Variants in LMNB2 observed in about 807,000 individuals in gnomAD.
LMNB2 encodes the protein lamin-B2.
Under a neutral mutation model 69.3 loss-of-function variants are expected in LMNB2, and 17 were observed. The ratio of observed to expected loss-of-function variants is 0.25; its 90% CI spans 0.17 to 0.37. The LOEUF (loss-of-function observed/expected upper bound fraction) is 0.37, where lower values mean the gene tolerates loss of function less well. LMNB2 is among the 10% of genes least tolerant of loss of function. The probability of loss-of-function intolerance (pLI) is 1.00; values close to 1 mark genes in which losing one functional copy is unlikely to be tolerated. For missense variants in LMNB2, 789 were observed against 883.6 expected (o/e 0.89, Z 1.36); for synonymous variants, 397 against 389.3 (o/e 1.02, Z -0.23).
At chr19:2,442,062 G>A (rs1971905673) in intron 2 of LMNB2, among the ~76,000 whole-genome samples, 1 of 152,208 alleles carries the variant, frequency 6.6e-6, no homozygotes, top group Admixed American at 6.5e-5. Context: ...ATCTTCAGCT[G>A]GGTGCCCGGG....
intron 1 of LMNB2, among the ~76,000 whole-genome samples, chr19:2,446,560 A>G (rs62119873): frequency 0.071 from 10,793 of 152,250 alleles, 598 homozygotes; most frequent in East Asian, 0.28. Context: ...CTCCTCCCAC[A>G]GGGCCATGCA....
intron 1 of LMNB2, among the ~76,000 whole-genome samples, chr19:2,445,383 G>A (rs1971943698): frequency 6.6e-6 from 1 of 152,076 alleles, no homozygotes; most frequent in Non-Finnish European, 1.5e-5. Flanking sequence ...CTGTTCCCTG[G>A]GATGGAGGGA....
intron 1 of LMNB2, among the ~76,000 whole-genome samples, chr19:2,455,499 C>A (rs1345039583): frequency 2.0e-5 from 3 of 152,108 alleles, no homozygotes; most frequent in Non-Finnish European, 4.4e-5. Context: ...CCCCCAAATC[C>A]CCAGGACCTC....
rs1019849831 is a variant in LMNB2 at position 2,429,346 on chromosome 19, T to A, written c.*1565A>T. On this transcript the variant is annotated 3_prime_UTR_variant, in exon 12 of 12. Transcript: ENST00000325327. ...CCGCCTGACTGGGAGCACAGCGGCG[T>A]AGCCTCCAGGAGGAAATGCTTTGGT... The A allele has an allele frequency of 1.3e-5, 2 of 152,282 alleles. No individual in the cohort carries two copies. Among genetic ancestry groups the A allele is most frequent in the South Asian group, 2.1e-4 (1 of 4,830 alleles). The allele number at this position is 152,282 out of a possible 1,614,324, so 9.4% of individuals were successfully genotyped here. A position where few individuals can be genotyped will look rare whatever the true frequency, so the allele number is the denominator to read the frequency against.
At chr19:2,431,497 A>T (rs780054131) in intron 11 of LMNB2, 51 bp downstream of exon 11, 20 of 1,611,874 alleles carry the variant, frequency 1.2e-5, no homozygotes, top group Non-Finnish European at 1.5e-5. Flanking sequence ...GCACGAGCTC[A>T]CTCTGCCCCA....
Position 2,438,470 on chromosome 19 carries a change from G to C in LMNB2, c.463C>G (p.Leu155Val). Reference protein sequence around the residue: ...AQGRVKDLESLFHRSEVELAA... With the variant: ...AQGRVKDLESVFHRSEVELAA... ...AGCTCCACCTCGCTCCGGTGGAACA[G>C]GGACTCCAGGTCCTTCACACGGCCC... The change falls in exon 3 of 12, where the codon CTG (leucine) becomes GTG (valine). Residue 155 changes from leucine to valine, a missense_variant. This residue lies in a region of LMNB2 where 145 missense variants were observed against 228.9 expected (regional missense o/e 0.63). Coordinates refer to ENST00000325327, the MANE Select transcript of LMNB2 (RefSeq NM_032737.4). The C allele has an allele frequency of 1.2e-6, 2 of 1,612,080 alleles. No homozygotes were observed. Among genetic ancestry groups the C allele is most frequent in the Non-Finnish European group, 1.7e-6 (2 of 1,179,846 alleles).
intron 2 of LMNB2, among the ~76,000 whole-genome samples, chr19:2,439,421 T>A (rs913269192): frequency 2.6e-5 from 4 of 152,070 alleles, no homozygotes; most frequent in Non-Finnish European, 5.9e-5. Context: ...GCGTCACAAC[T>A]GCTGACATTT....
Position 2,443,945 on chromosome 19 carries a change from C to T in LMNB2, c.401+459G>A, listed in dbSNP as rs1266465975. On this transcript the variant is annotated intron_variant, in intron 2 of 11. Transcript: ENST00000325327. This position sits in a 1 kb window ranked among gnomAD's most constrained non-coding sequence, Gnocchi z 6.2. ...ACAACCCATGAGCACCCTGGTCACA[C>T]ACCACACACCCGAGCGTCCCAACAG... Among the ~76,000 whole-genome samples, 1 of 152,154 alleles carries T rather than the reference C, an allele frequency of 6.6e-6. No individual in the cohort carries two copies. The highest frequency in any genetic ancestry group is 1.5e-5 in the Non-Finnish European group (1 of 68,022).
chr19:2,437,903 C>T (rs1322844693), intron 4 of LMNB2, among the ~76,000 whole-genome samples: 3 of 152,162 alleles, frequency 2.0e-5, no homozygotes, highest in Non-Finnish European at 4.4e-5. Context: ...ATGATCCAGG[C>T]AGGCCCCAAA....
At position 2,434,078 on chromosome 19, in the gene LMNB2, C is replaced by G. The variant is rs765514044; in HGVS notation, c.1230G>C (p.Ser410=). 13 of 1,593,384 alleles carry G rather than the reference C, an allele frequency of 8.2e-6. No homozygotes were observed. Among genetic ancestry groups the G allele is most frequent in the Non-Finnish European group, 1.1e-5 (13 of 1,171,770 alleles). Residue 410 remains serine (S), a synonymous_variant, in exon 8 of 12, where the codon TCG becomes TCC. Coordinates refer to ENST00000325327, the MANE Select transcript of LMNB2 (RefSeq NM_032737.4). The part of the protein sequence containing the change: ...ERLKLSPSPS[S]RVTVSRATSS... ...AGGTGGCTCGTGAGACGGTGACGCG[C>G]GAGGATGGGCTGGGGGACAGCTTCA...
intron 6 of LMNB2, 90 bp downstream of exon 6, chr19:2,434,698 A>G (rs1971797842): frequency 1.3e-6 from 2 of 1,526,964 alleles, no homozygotes; most frequent in Non-Finnish European, 1.8e-6. Context: ...ATCCGATGCC[A>G]AGAGGCCAGA....
At chr19:2,434,938 G>A in intron 5 of LMNB2, 25 bp from the exon 6 acceptor site, 2 of 1,592,072 alleles carry the variant, frequency 1.3e-6, no homozygotes. Context: ...GCGGGTGAGT[G>A]CGGGCGCGGG....
At chr19:2,437,970 G>A (rs960611534) in intron 4 of LMNB2, among the ~76,000 whole-genome samples, 193 bp downstream of exon 4, 8 of 152,168 alleles carry the variant, frequency 5.3e-5, no homozygotes, top group Non-Finnish European at 8.8e-5. Context: ...GGAGGCAGCC[G>A]CGGGAAGACA....
intron 1 of LMNB2, among the ~76,000 whole-genome samples, chr19:2,454,848 G>T (rs1157594940): frequency 8.5e-5 from 13 of 152,074 alleles, no homozygotes; most frequent in Admixed American, 8.5e-4. Flanking sequence ...GGTTAGGTTG[G>T]GGGGCAGGAC....
rs2145466997 is a variant in LMNB2, at chr19:2,447,459, A to C, written c.265-2919T>G. ...CCGCTGAGGGGGACAGGCTTCTTTT[A>C]GTGGGGATGAACGTTCTAAAATTGG... On this transcript the variant is annotated intron_variant, in intron 1 of 11. Transcript: ENST00000325327. This position sits in a 1 kb window ranked among gnomAD's most constrained non-coding sequence, Gnocchi z 4.4. 6.6e-6 allele frequency among the ~76,000 whole-genome samples: 1 copy of C among 152,258 alleles called. No homozygotes were observed. The highest frequency in any genetic ancestry group is 1.9e-4 in the East Asian group (1 of 5,186).
At chr19:2,446,530 T>A (rs2145465684) in intron 1 of LMNB2, among the ~76,000 whole-genome samples, 1 of 152,322 alleles carries the variant, frequency 6.6e-6, no homozygotes, top group Non-Finnish European at 1.5e-5. Context: ...CTCAGGCTTC[T>A]AGTGGCCTTC....
intron 6 of LMNB2, 117 bp from the exon 7 acceptor site, chr19:2,434,632 G>A (rs1947839023): frequency 6.7e-7 from 1 of 1,497,834 alleles, no homozygotes; most frequent in Non-Finnish European, 9.0e-7. Flanking sequence ...CCAGGCCTGG[G>A]CATGGGGCGC....
Position 2,448,099 on chromosome 19 carries a change from G to C in LMNB2, c.265-3559C>G, listed in dbSNP as rs568443192. 2.0e-5 allele frequency among the ~76,000 whole-genome samples: 3 copies of C among 152,312 alleles called. No homozygotes were observed. In the East Asian group the frequency reaches 5.8e-4, roughly 29 times the overall value. On this transcript the variant is annotated intron_variant, in intron 1 of 11. Transcript: ENST00000325327. ...AGCGAGCTCCTCCCGCGGCACCCCGGCCACCCCCAAGCCCTCCCTCCCATG... is the reference window on the plus strand; with the variant it reads ...AGCGAGCTCCTCCCGCGGCACCCCGCCCACCCCCAAGCCCTCCCTCCCATG...
chr19:2,455,929 T>C (rs910818850), intron 1 of LMNB2, among the ~76,000 whole-genome samples: 2 of 132,986 alleles, frequency 1.5e-5, no homozygotes, highest in Admixed American at 7.3e-5. Flanking sequence ...CAGGGACCCC[T>C]TGAAACCCCC....
Sources: allele counts gnomAD v4.1 joint callset (sites outside exome capture counted in the v4.1 genomes callset), GRCh38; gene constraint gnomAD v4.1.1; regional missense constraint gnomAD v4.1.1; non-coding constraint Gnocchi (gnomAD v3.1); transcripts MANE v1.5; gene names NCBI Gene and HGNC (gene_info 2026-07-23, HGNC 2026-07-21).